CASD1: variants seen among roughly 807,000 people sequenced by gnomAD.
CASD1 encodes CAS1 domain sialic acid O acetyltransferase 1, also known as N-acetylneuraminate (7)9-O-acetyltransferase.
In CASD1, 41 loss-of-function variants were observed where a neutral mutation model predicts 100.0. That is an observed-to-expected ratio of 0.41 (90% confidence interval 0.32 to 0.53). The LOEUF (loss-of-function observed/expected upper bound fraction) is 0.53, where lower values mean the gene tolerates loss of function less well. Ranked by LOEUF, CASD1 falls within the 20% of genes least tolerant of loss-of-function variation. The probability of loss-of-function intolerance (pLI) is 0.25; values close to 1 mark genes in which losing one functional copy is unlikely to be tolerated. For synonymous variants in CASD1, 321 were observed against 315.6 expected, an observed-to-expected ratio of 1.02 and a Z score of -0.18; for missense variants, 774 against 948.7, an observed-to-expected ratio of 0.82 and a Z score of 2.42.
At chr7:94,615,729 A>C in the CASD1 span, among the ~76,000 whole-genome samples, 7 of 152,162 alleles carry the variant, frequency 4.6e-5, no homozygotes, top group African/African-American at 1.7e-4. Context: ...AAAAGTGAGT[A>C]TATTCTTTAA....
At chr7:94,628,735 T>C in the CASD1 span, 2 of 211,436 alleles carry the variant, frequency 9.5e-6, no homozygotes, top group African/African-American at 4.7e-5. Context: ...CTGGACACTA[T>C]CATATGAGTA....
the CASD1 span, among the ~76,000 whole-genome samples, chr7:94,611,565 G>T: frequency 6.6e-6 from 1 of 152,064 alleles, no homozygotes; most frequent in East Asian, 1.9e-4. Flanking sequence ...TCTAAAATTG[G>T]TTATAATAAT....
chr7:94,586,125 A>G, the CASD1 span, among the ~76,000 whole-genome samples: 5 of 150,082 alleles, frequency 3.3e-5, no homozygotes, highest in African/African-American at 7.3e-5. Flanking sequence ...GATAAATTCC[A>G]TATAGGTAGC....
chr7:94,599,080 C>T, the CASD1 span: 2 of 703,288 alleles, frequency 2.8e-6, no homozygotes, highest in Non-Finnish European at 4.7e-6. Flanking sequence ...GACATTATGG[C>T]ACTTTGGGCA....
the CASD1 span, among the ~76,000 whole-genome samples, chr7:94,586,061 GAAAAAAAA>G: frequency 1.7e-4 from 5 of 28,904 alleles, no homozygotes; most frequent in Admixed American, 1.6e-3. Flanking sequence ...GGAACTAAAT[GAAAAAAAA>G]AAAAAAAAAA....
At chr7:94,628,187 C>T in the CASD1 span, 1 of 1,603,076 alleles carries the variant, frequency 6.2e-7, no homozygotes. Flanking sequence ...TTTGCTCTTT[C>T]TAGGTGTAAA....
the CASD1 span, chr7:94,599,972 TAA>T: frequency 2.7e-6 from 1 of 375,332 alleles, no homozygotes; most frequent in Non-Finnish European, 4.8e-6. Flanking sequence ...TTGATTGAAA[TAA>T]ATTCTATGAC....
the CASD1 span, among the ~76,000 whole-genome samples, chr7:94,575,459 T>C: frequency 6.6e-6 from 1 of 152,180 alleles, no homozygotes; most frequent in African/African-American, 2.4e-5. Flanking sequence ...GATTGTTGTA[T>C]GTTCAATTAT....
At chr7:94,596,219 T>C in the CASD1 span, among the ~76,000 whole-genome samples, 9 of 152,134 alleles carry the variant, frequency 5.9e-5, no homozygotes, top group Non-Finnish European at 8.8e-5. Flanking sequence ...GTAAACTAGA[T>C]AGAAAATTTT....
At chr7:94,600,716 C>T in the CASD1 span, 5 of 1,613,704 alleles carry the variant, frequency 3.1e-6, no homozygotes, top group Non-Finnish European at 4.2e-6. Flanking sequence ...GCCGAGGGCA[C>T]AGCCAGTGTA....
the CASD1 span, among the ~76,000 whole-genome samples, chr7:94,571,390 A>G: frequency 6.6e-6 from 1 of 152,106 alleles, no homozygotes; most frequent in Non-Finnish European, 1.5e-5. Flanking sequence ...CCAGACATAG[A>G]ATTCTTAGTT....
At chr7:94,575,746 T>C in the CASD1 span, among the ~76,000 whole-genome samples, 1 of 151,942 alleles carries the variant, frequency 6.6e-6, no homozygotes, top group East Asian at 1.9e-4. Context: ...ATAAGTTTGC[T>C]GGATATAAAA....
At chr7:94,532,074 A>G (rs571172120) in intron 5 of CASD1, among the ~76,000 whole-genome samples, 1 of 152,250 alleles carries the variant, frequency 6.6e-6, no homozygotes, top group Admixed American at 6.5e-5. Flanking sequence ...TGCAAATATA[A>G]TTGTACTGTA....
the CASD1 span, chr7:94,625,349 T>C: frequency 6.6e-6 from 1 of 152,048 alleles, no homozygotes; most frequent in African/African-American, 2.4e-5. Flanking sequence ...ATGAAAGATA[T>C]GGTAAACTTT....
Position 94,552,408 on chromosome 7 carries a change from C to T in CASD1, c.2015C>T (p.Pro672Leu), listed in dbSNP as rs1260471409. 2.5e-6 allele frequency: 4 copies of T among 1,609,734 alleles called. No individual in the cohort carries two copies. The highest frequency in any genetic ancestry group is 1.1e-5 in the South Asian group (1 of 90,220). ...KNKAECNELHPSVSVVQILAF... is the reference protein window; with the variant it reads ...KNKAECNELHLSVSVVQILAF... ...AAAGCAGAGTGCAATGAACTCCATC[C>T]GTCTGTTTCTGTGGTACAGGTACTA... The change falls in exon 16 of 18, where the codon CCG (proline) becomes CTG (leucine). Residue 672 changes from proline to leucine, a missense_variant. Physicochemically the swap from Pro to Leu is moderately conservative, Grantham distance 98 (BLOSUM62 -3). Coordinates refer to ENST00000297273, the MANE Select transcript of CASD1 (RefSeq NM_022900.5).
chr7:94,559,552 G>A (rs1025424221), downstream of CASD1, among the ~76,000 whole-genome samples: 9 of 152,088 alleles, frequency 5.9e-5, no homozygotes, highest in Non-Finnish European at 1.3e-4. Context: ...TTGAGAGGCA[G>A]TCTCGCTCTC....
chr7:94,572,656 T>C, the CASD1 span, among the ~76,000 whole-genome samples: 1 of 152,152 alleles, frequency 6.6e-6, no homozygotes, highest in South Asian at 2.1e-4. Flanking sequence ...AGTTTGCAAG[T>C]ATTTGCTCCC....
intron 10 of CASD1, among the ~76,000 whole-genome samples, chr7:94,539,585 C>A (rs1268864605): frequency 6.7e-6 from 1 of 149,348 alleles, no homozygotes; most frequent in Non-Finnish European, 1.5e-5. Context: ...AGGAGAAACA[C>A]TTGAACCCAG....
At chr7:94,615,221 C>T in the CASD1 span, among the ~76,000 whole-genome samples, 1 of 152,028 alleles carries the variant, frequency 6.6e-6, no homozygotes, top group Non-Finnish European at 1.5e-5. Context: ...TAGCCAGGCA[C>T]AGTGGCAGGT....
Sources: gnomAD v4.1 joint callset for allele counts (sites outside exome capture counted in the v4.1 genomes callset) on GRCh38, gnomAD v4.1.1 for gene constraint, MANE v1.5 for transcripts, NCBI Gene and HGNC (gene_info 2026-07-23, HGNC 2026-07-21) for gene names.